The following DPYD variants were observed in gnomAD, a reference collection of about 807,000 sequenced individuals.
DPYD encodes dihydropyrimidine dehydrogenase [NADP(+)].
In DPYD, 109 loss-of-function variants were observed where a neutral mutation model predicts 116.2. The observed-to-expected ratio is 0.94, with a 90% confidence interval of 0.80 to 1.10. The LOEUF (loss-of-function observed/expected upper bound fraction) is 1.10. Among genes scored for constraint, DPYD ranks in the 50% least tolerant of loss-of-function variants. The probability of loss-of-function intolerance (pLI) is 0.00; values close to 1 mark genes in which losing one functional copy is unlikely to be tolerated. For synonymous variants in DPYD, 440 were observed against 432.0 expected, an observed-to-expected ratio of 1.02 and a Z score of -0.23; for missense variants, 1,302 against 1,254.5, an observed-to-expected ratio of 1.04 and a Z score of -0.57.
At chr1:97,345,479 A>C (rs1242005848) in intron 16 of DPYD, among the ~76,000 whole-genome samples, 1 of 151,968 alleles carries the variant, frequency 6.6e-6, no homozygotes, top group African/African-American at 2.4e-5. Context: ...TCCTTTCACC[A>C]AGCAAAATTT....
chr1:97,127,400 T>C (rs572428899), intron 20 of DPYD, among the ~76,000 whole-genome samples: 1 of 152,294 alleles, frequency 6.6e-6, no homozygotes, highest in South Asian at 2.1e-4. Context: ...TAAAAGCTTC[T>C]GTGCAGAGTT....
intron 11 of DPYD, among the ~76,000 whole-genome samples, chr1:97,571,645 T>C (rs578020445): frequency 2.6e-5 from 4 of 152,038 alleles, no homozygotes; most frequent in South Asian, 4.1e-4. Flanking sequence ...CATCCAGAAA[T>C]GACATGACAT....
chr1:97,786,986 T>C (rs1218399852), intron 3 of DPYD, among the ~76,000 whole-genome samples: 1 of 152,192 alleles, frequency 6.6e-6, no homozygotes. Context: ...TTATGCTTTA[T>C]TTCTCTGGCT....
At chr1:97,161,333 T>C in intron 20 of DPYD, among the ~76,000 whole-genome samples, 1 of 152,112 alleles carries the variant, frequency 6.6e-6, no homozygotes, top group Non-Finnish European at 1.5e-5. Flanking sequence ...GGAAACTCTG[T>C]GGGGCAATGC....
intron 15 of DPYD, among the ~76,000 whole-genome samples, chr1:97,378,072 A>C (rs1262837396): frequency 6.6e-6 from 1 of 152,228 alleles, no homozygotes; most frequent in South Asian, 2.1e-4. Context: ...TAGCAATGCT[A>C]TCCTCTAGTC....
rs575370529 is a variant in DPYD, at chr1:97,136,582, A to G, written c.2623-37950T>C. On this transcript the variant is annotated intron_variant, in intron 20 of 22. Coordinates refer to ENST00000370192, the MANE Select transcript of DPYD (RefSeq NM_000110.4). ...TGGAATTCTCAATTCCTACCCACCT[A>G]GGTTTTTCCCTGGAAACTTCCTGCC... Among the ~76,000 whole-genome samples, 210 of 152,094 alleles carry G rather than the reference A, an allele frequency of 1.4e-3. 2 individuals carry two copies. Among genetic ancestry groups the G allele is most frequent in the Non-Finnish European group, 1.3e-3 (85 of 67,996 alleles).
At chr1:97,236,993 G>A (rs1661978544) in intron 18 of DPYD, among the ~76,000 whole-genome samples, 2 of 152,094 alleles carry the variant, frequency 1.3e-5, no homozygotes, top group African/African-American at 4.8e-5. Context: ...GAGGCAGAGG[G>A]ATCACCTGAG....
intron 14 of DPYD, among the ~76,000 whole-genome samples, chr1:97,439,638 AT>A (rs1334981841): frequency 1.3e-5 from 2 of 151,358 alleles, no homozygotes; most frequent in African/African-American, 4.9e-5. Flanking sequence ...AGTTTGGTCA[AT>A]TTTTTTCGTC....
chr1:97,351,125 T>A (rs1570575200), intron 16 of DPYD, among the ~76,000 whole-genome samples: 2 of 152,182 alleles, frequency 1.3e-5, no homozygotes, highest in African/African-American at 4.8e-5. Flanking sequence ...ATTTTCAGTT[T>A]ATTATCTCTC....
chr1:97,323,417 TATATATACATATGTGTATATGTACAC>T lies in DPYD; in HGVS notation c.2059-17146_2059-17121del, dbSNP rs1558030065. 1.1e-3 allele frequency among the ~76,000 whole-genome samples: 95 copies of T among 87,430 alleles called. 2 individuals are homozygous for T. The highest frequency in any genetic ancestry group is 1.8e-3 in the South Asian group (6 of 3,398). The allele number at this position is 87,430 out of a possible 152,430, so 57.4% of individuals were successfully genotyped here. A position where few individuals can be genotyped will look rare whatever the true frequency, so the allele number is the denominator to read the frequency against. ...GTATACATATGTGTATATGTACACG[TATATATACATATGTGTATATGTACAC>T]GTATATACATATCATATATACATAT... On this transcript the variant is annotated intron_variant, in intron 16 of 22. Coordinates refer to ENST00000370192, the MANE Select transcript of DPYD (RefSeq NM_000110.4).
chr1:97,570,234 GTTC>G (rs1652801482), intron 11 of DPYD, among the ~76,000 whole-genome samples: 1 of 151,784 alleles, frequency 6.6e-6, no homozygotes, highest in Admixed American at 6.6e-5. Context: ...AGCTTTTCAA[GTTC>G]TTATTATTGA....
At chr1:97,772,808 A>G (rs562500201) in intron 3 of DPYD, among the ~76,000 whole-genome samples, 1 of 152,330 alleles carries the variant, frequency 6.6e-6, no homozygotes, top group African/African-American at 2.4e-5. Context: ...AACTAGTTTG[A>G]TTGAAGGCAT....
intron 14 of DPYD, among the ~76,000 whole-genome samples, chr1:97,399,284 C>A (rs1673208896): frequency 6.6e-6 from 1 of 152,120 alleles, no homozygotes; most frequent in South Asian, 2.1e-4. Flanking sequence ...TCTGAGGGCT[C>A]TGTTCTGTTC....
At chr1:97,328,344 T>C (rs1668809553) in intron 16 of DPYD, among the ~76,000 whole-genome samples, 1 of 152,168 alleles carries the variant, frequency 6.6e-6, no homozygotes, top group Non-Finnish European at 1.5e-5. Flanking sequence ...GACAATAGCC[T>C]ATATAATACA....
intron 1 of DPYD, among the ~76,000 whole-genome samples, chr1:97,887,861 C>T (rs1022863918): frequency 5.9e-5 from 9 of 151,896 alleles, no homozygotes; most frequent in East Asian, 2.0e-4. Context: ...TGAGTTCTCA[C>T]GATATGTGAT....
chr1:97,217,343 A>G (rs1570691889), intron 19 of DPYD, among the ~76,000 whole-genome samples: 1 of 152,176 alleles, frequency 6.6e-6, no homozygotes. Context: ...TTCATCCTAA[A>G]TCTGGTTTCT....
At chr1:97,507,917 T>C (rs1647468756) in intron 13 of DPYD, among the ~76,000 whole-genome samples, 1 of 151,908 alleles carries the variant, frequency 6.6e-6, no homozygotes, top group African/African-American at 2.4e-5. Context: ...AAGAAAAGGC[T>C]TATGGATAGG....
chr1:97,831,791 C>G (rs1398202865), intron 2 of DPYD, among the ~76,000 whole-genome samples: 1 of 151,340 alleles, frequency 6.6e-6, no homozygotes, highest in African/African-American at 2.4e-5. Context: ...AGCAGAAGAA[C>G]AAAAATAATC....
Position 97,227,282 on chromosome 1 carries a change from G to A in DPYD, c.2442+7570C>T, listed in dbSNP as rs372936598. 2.7e-4 allele frequency among the ~76,000 whole-genome samples: 37 copies of A among 139,232 alleles called. No homozygotes were observed. The East Asian group carries it at 2.8e-3, about 11-fold the overall frequency. 91.3% of individuals were successfully genotyped at this position (139,232 alleles called of 152,430 possible). A position where few individuals can be genotyped will look rare whatever the true frequency, so the allele number is the denominator to read the frequency against. On this transcript the variant is annotated intron_variant, in intron 19 of 22. Transcript: ENST00000370192. The stretch of plus-strand genomic sequence containing the variant: ...GTGGAGATTGCAGTGAGCCGAGATC[G>A]TGCCACGGCCACTGCGCTCCAGCCT...
Sources: gnomAD v4.1 joint callset for allele counts (sites outside exome capture counted in the v4.1 genomes callset) on GRCh38, gnomAD v4.1.1 for gene constraint, MANE v1.5 for transcripts, NCBI Gene and HGNC (gene_info 2026-07-23, HGNC 2026-07-21) for gene names.